ALCAM: variants seen among roughly 807,000 people sequenced by gnomAD.
The protein encoded by ALCAM is CD166 antigen.
A neutral mutation model predicts 70.9 loss-of-function variants in ALCAM; 30 were observed. The ratio of observed to expected loss-of-function variants is 0.42; its 90% CI spans 0.32 to 0.57. The LOEUF is 0.57. ALCAM is among the 20% of genes least tolerant of loss of function. The pLI is 0.11. For synonymous variants in ALCAM, 249 were observed against 242.5 expected (o/e 1.03, Z -0.25); for missense variants, 591 against 695.1 (o/e 0.85, Z 1.68).
At chr3:105,503,095 C>T (rs900482819) in intron 1 of ALCAM, among the ~76,000 whole-genome samples, 1 of 152,144 alleles carries the variant, frequency 6.6e-6, no homozygotes, top group African/African-American at 2.4e-5. Flanking sequence ...TTTTCTCTTT[C>T]TGTAGTTTAT....
chr3:105,401,015 GA>G (rs1420388655), intron 1 of ALCAM, among the ~76,000 whole-genome samples: 1 of 152,156 alleles, frequency 6.6e-6, no homozygotes, highest in African/African-American at 2.4e-5. Flanking sequence ...TACTATTAAA[GA>G]AAAGCAAAAC....
chr3:105,559,921 T>A (rs1361869759), intron 14 of ALCAM, among the ~76,000 whole-genome samples: 1 of 152,234 alleles, frequency 6.6e-6, no homozygotes, highest in Non-Finnish European at 1.5e-5. Context: ...CTGATAGTGT[T>A]TAATCATTAG....
At chr3:105,473,188 A>G (rs1937985664) in intron 1 of ALCAM, among the ~76,000 whole-genome samples, 1 of 151,570 alleles carries the variant, frequency 6.6e-6, no homozygotes, top group African/African-American at 2.4e-5. Context: ...ATATATATTC[A>G]TATAGTAGAG....
intron 1 of ALCAM, among the ~76,000 whole-genome samples, chr3:105,402,276 C>T (rs1936108528): frequency 6.6e-6 from 1 of 152,116 alleles, no homozygotes; most frequent in South Asian, 2.1e-4. Flanking sequence ...GGAGGCAGGA[C>T]TAGCTTGTGG....
intron 1 of ALCAM, among the ~76,000 whole-genome samples, chr3:105,368,223 A>AAGATAGAGAG (rs1935122449): frequency 1.5e-5 from 1 of 67,790 alleles, no homozygotes; most frequent in Non-Finnish European, 2.8e-5. Flanking sequence ...TGAGTCTTGG[A>AAGATAGAGAG]AGAGAGAGAG....
chr3:105,390,928 G>A (rs1935801891), intron 1 of ALCAM, among the ~76,000 whole-genome samples: 1 of 151,914 alleles, frequency 6.6e-6, no homozygotes, highest in African/African-American at 2.4e-5. Flanking sequence ...TATTTCTGAG[G>A]CTTCTGTTCT....
At chr3:105,545,896 A>G (rs770098816) in intron 9 of ALCAM, among the ~76,000 whole-genome samples, 14 of 151,404 alleles carry the variant, frequency 9.2e-5, no homozygotes, top group Non-Finnish European at 1.8e-4. Context: ...AACAGGTTCC[A>G]CTGGATCAAG....
At chr3:105,413,440 T>C (rs1936435850) in intron 1 of ALCAM, among the ~76,000 whole-genome samples, 1 of 152,124 alleles carries the variant, frequency 6.6e-6, no homozygotes, top group African/African-American at 2.4e-5. Flanking sequence ...CTCTACACAT[T>C]TGCACATCTT....
Position 105,465,307 on chromosome 3 carries a change from C to T in ALCAM, c.74-54760C>T, listed in dbSNP as rs528856113. Among the ~76,000 whole-genome samples the T allele has an allele frequency of 5.3e-5, 8 of 151,496 alleles. No individual in the cohort carries two copies. The East Asian group carries it at 1.4e-3, about 26-fold the overall frequency. Reference sequence around the variant, plus strand: ...GTAGTGGTGTCAGTCAACACTGTTACATGACCTTTTTCAGAAAATTCTGAG... The same window carrying T: ...GTAGTGGTGTCAGTCAACACTGTTATATGACCTTTTTCAGAAAATTCTGAG... On this transcript the variant is annotated intron_variant, in intron 1 of 15. Transcript: ENST00000306107.
chr3:105,389,044 GATA>G (rs1935729836), intron 1 of ALCAM, among the ~76,000 whole-genome samples: 1 of 151,550 alleles, frequency 6.6e-6, no homozygotes, highest in African/African-American at 2.4e-5. Flanking sequence ...AACAAAGTGA[GATA>G]ATTTTTGGAA....
chr3:105,498,726 A>T (rs1938835561), intron 1 of ALCAM, among the ~76,000 whole-genome samples: 1 of 152,136 alleles, frequency 6.6e-6, no homozygotes, highest in Admixed American at 6.5e-5. Flanking sequence ...CAATATAAAA[A>T]CCTTCAGGGG....
chr3:105,518,985 T>C lies in ALCAM; in HGVS notation c.74-1082T>C, dbSNP rs139629682. On this transcript the variant is annotated intron_variant, in intron 1 of 15. Transcript: ENST00000306107. ...CAGAAAGTCAGAAGATGGTTTTATT[T>C]ATGTGTTGCAGATTGCCGTCGCTTT... Among the ~76,000 whole-genome samples the C allele has an allele frequency of 4.3e-3, 659 of 152,224 alleles. 5 individuals are homozygous for C. The highest frequency in any genetic ancestry group is 0.015 in the African/African-American group (621 of 41,554).
intron 1 of ALCAM, among the ~76,000 whole-genome samples, chr3:105,431,014 G>A (rs1290762834): frequency 6.6e-6 from 1 of 151,982 alleles, no homozygotes; most frequent in African/African-American, 2.4e-5. Context: ...AGACGTTAAT[G>A]GTAATTTAGT....
intron 1 of ALCAM, among the ~76,000 whole-genome samples, chr3:105,430,231 A>G (rs986795529): frequency 6.6e-6 from 1 of 151,924 alleles, no homozygotes; most frequent in Non-Finnish European, 1.5e-5. Flanking sequence ...ATCACAATTG[A>G]GATAATATTG....
At chr3:105,464,957 C>T (rs979063989) in intron 1 of ALCAM, among the ~76,000 whole-genome samples, 3 of 151,426 alleles carry the variant, frequency 2.0e-5, no homozygotes, top group African/African-American at 4.8e-5. Context: ...CTGTACCCAG[C>T]GCATAGAAAA....
At chr3:105,432,986 T>C (rs1009809243) in intron 1 of ALCAM, among the ~76,000 whole-genome samples, 1 of 152,170 alleles carries the variant, frequency 6.6e-6, no homozygotes, top group East Asian at 1.9e-4. Flanking sequence ...TCAGGTATAT[T>C]AAGCTGGAGA....
chr3:105,424,160 G>A (rs879353281), intron 1 of ALCAM, among the ~76,000 whole-genome samples: 8 of 151,180 alleles, frequency 5.3e-5, no homozygotes, highest in Non-Finnish European at 1.2e-4. Context: ...TACTTTGTAG[G>A]GTTTTTGTGG....
rs779756906 is a variant in ALCAM, at chr3:105,534,716, A to G, written c.601A>G (p.Met201Val). ...EMDPVTQLYT[M>V]TSTLEYKTTK... The stretch of plus-strand genomic sequence containing the variant: ...GGACCCAGTGACTCAGCTCTATACC[A>G]TGACTTCCACCCTGGAGTACAAGAC... Residue 201 changes from methionine to valine, a missense_variant, in exon 6 of 16, where the codon ATG (methionine) becomes GTG (valine). Around this residue, in one of 2 missense-constraint regions of ALCAM, gnomAD observed 427 missense variants for 450.4 expected, o/e 0.95. Coordinates refer to ENST00000306107, the MANE Select transcript of ALCAM (RefSeq NM_001627.4). 3.1e-6 allele frequency: 5 copies of G among 1,613,706 alleles called. No homozygotes were observed. The African/African-American group carries it at 5.3e-5, about 17-fold the overall frequency.
rs113735602 is a variant in ALCAM, at chr3:105,542,175, C to G, written c.991+410C>G. 3.5e-3 allele frequency among the ~76,000 whole-genome samples: 534 copies of G among 151,922 alleles called. 5 individuals carry two copies. Among genetic ancestry groups the G allele is most frequent in the African/African-American group, 0.012 (498 of 41,492 alleles). ...AATAAATTTAACACCCAAACTCAGA[C>G]AATACAAAGTTACTACAGACTCAGT... On this transcript the variant is annotated intron_variant, in intron 8 of 15. Coordinates refer to ENST00000306107, the MANE Select transcript of ALCAM (RefSeq NM_001627.4).
Sources: allele counts gnomAD v4.1 joint callset (sites outside exome capture counted in the v4.1 genomes callset), GRCh38; gene constraint gnomAD v4.1.1; regional missense constraint gnomAD v4.1.1; transcripts MANE v1.5; gene names NCBI Gene and HGNC (gene_info 2026-07-23, HGNC 2026-07-21).